SPATA6L: variants seen among roughly 807,000 people sequenced by gnomAD.
SPATA6L encodes spermatogenesis associated 6-like protein.
In SPATA6L, 68 loss-of-function variants were observed where a neutral mutation model predicts 49.2. The observed-to-expected ratio is 1.38, with a 90% CI of 1.14 to 1.69. The LOEUF (loss-of-function observed/expected upper bound fraction) is 1.69, where lower values mean the gene tolerates loss of function less well. SPATA6L is among the 40% of genes most tolerant of loss of function. The pLI, the probability that SPATA6L is intolerant of heterozygous loss-of-function variation, is 0.00. For missense variants in SPATA6L, 668 were observed against 464.3 expected, an observed-to-expected ratio of 1.44 and a Z score of -4.03; for synonymous variants, 198 against 165.7, an observed-to-expected ratio of 1.19 and a Z score of -1.50.
intron 8 of SPATA6L, among the ~76,000 whole-genome samples, chr9:4,618,621 G>T (rs926494768): frequency 4.6e-5 from 7 of 152,232 alleles, no homozygotes; most frequent in African/African-American, 1.2e-4. Context: ...CAATAAAGTA[G>T]GTATTGGGTC....
chr9:4,604,900 C>G (rs1389900865), intron 10 of SPATA6L, among the ~76,000 whole-genome samples: 2 of 152,314 alleles, frequency 1.3e-5, no homozygotes, highest in African/African-American at 4.8e-5. Flanking sequence ...AAAAGTCATA[C>G]AGCCAAAACC....
intron 3 of SPATA6L, among the ~76,000 whole-genome samples, chr9:4,649,671 T>G (rs1018579690): frequency 6.6e-6 from 1 of 152,218 alleles, no homozygotes; most frequent in East Asian, 1.9e-4. Flanking sequence ...TTAATTAGGA[T>G]GCTTGATAAA....
intron 3 of SPATA6L, among the ~76,000 whole-genome samples, chr9:4,646,033 T>A (rs1441666085): frequency 6.6e-6 from 1 of 152,090 alleles, no homozygotes. Context: ...TCACGGGCCA[T>A]ACAACAATGG....
intron 3 of SPATA6L, among the ~76,000 whole-genome samples, chr9:4,655,830 T>C (rs918468988): frequency 1.3e-5 from 2 of 152,092 alleles, no homozygotes; most frequent in African/African-American, 4.8e-5. Context: ...GGATTACAGA[T>C]GTGAGCCACC....
At position 4,656,513 on chromosome 9, in the gene SPATA6L, C is replaced by T. The variant is rs191258530; in HGVS notation, c.178-424G>A. On this transcript the variant is annotated intron_variant, in intron 2 of 11. Coordinates refer to ENST00000682582, the MANE Select transcript of SPATA6L (RefSeq NM_001353486.2). ...GGAAGGAAGGAAGGAAGGGAGGAGC[C>T]GTAAATTATATTCTTCCAAGTAATT... Among the ~76,000 whole-genome samples the T allele has an allele frequency of 1.1e-3, 158 of 149,360 alleles. 1 individual carries two copies. Among genetic ancestry groups the T allele is most frequent in the Non-Finnish European group, 1.9e-3 (128 of 67,536 alleles).
intron 3 of SPATA6L, among the ~76,000 whole-genome samples, chr9:4,650,826 G>T (rs1044417383): frequency 0.018 from 57 of 3,192 alleles, no homozygotes; most frequent in African/African-American, 0.096. Context: ...AACCCAGCTT[G>T]TGTGTGTGTG....
At chr9:4,602,384 T>A (rs1040038134) in intron 11 of SPATA6L, among the ~76,000 whole-genome samples, 17 of 152,256 alleles carry the variant, frequency 1.1e-4, no homozygotes, top group African/African-American at 3.9e-4. Context: ...CAGAACGTTC[T>A]AAGGTAGAAG....
In SPATA6L at chr9:4,617,962, G is replaced by A. The variant is rs747985318; in HGVS notation, c.956C>T (p.Thr319Ile). The A allele has an allele frequency of 3.1e-6, 5 of 1,613,848 alleles. No individual in the cohort carries two copies. In the Admixed American group the frequency reaches 6.7e-5, roughly 22 times the overall value. Residue 319 changes from threonine to isoleucine, a missense_variant, in exon 9 of 12, where the codon ACC (threonine) becomes ATC (isoleucine). Physicochemically the swap from Thr to Ile is moderately conservative, Grantham distance 89 (BLOSUM62 -1). Coordinates refer to ENST00000682582, the MANE Select transcript of SPATA6L (RefSeq NM_001353486.2). ...KASFATYQHS[T>I]SPGPLDQPLL... ...GGGCTGATCCAAGGGGCCAGGAGAG[G>A]TGGAATGCTGGTAGGTGGCAAATGA... is the stretch of plus-strand genomic sequence containing the variant.
chr9:4,642,409 C>A (rs908732143), intron 3 of SPATA6L, among the ~76,000 whole-genome samples: 2 of 152,182 alleles, frequency 1.3e-5, no homozygotes, highest in African/African-American at 4.8e-5. Context: ...AGTCAGGAGG[C>A]ACCTGCTCAG....
At chr9:4,605,227 C>G (rs1824449845) in intron 10 of SPATA6L, 120 bp downstream of exon 10, 1 of 747,144 alleles carries the variant, frequency 1.3e-6, no homozygotes, top group South Asian at 1.7e-5. Flanking sequence ...TGGTAAGCCT[C>G]ACAATTTTCC....
chr9:4,666,011 G>T (rs1485688425), intron 1 of SPATA6L, among the ~76,000 whole-genome samples: 2 of 150,792 alleles, frequency 1.3e-5, no homozygotes, highest in Non-Finnish European at 3.0e-5. Flanking sequence ...AAAAAAAAAA[G>T]TGGGAACAGG....
At chr9:4,648,197 T>A (rs1007733351) in intron 3 of SPATA6L, among the ~76,000 whole-genome samples, 11 of 151,948 alleles carry the variant, frequency 7.2e-5, no homozygotes, top group African/African-American at 2.7e-4. Flanking sequence ...ACGAAAAAAA[T>A]TTGAATTCAT....
intron 5 of SPATA6L, chr9:4,625,774 A>G (rs1300180756): frequency 2.7e-6 from 1 of 376,098 alleles, no homozygotes; most frequent in African/African-American, 2.1e-5. Context: ...ACTTGCTAGT[A>G]TAATGTATTC....
chr9:4,662,394 A>G lies in SPATA6L; in HGVS notation c.40-358T>C, dbSNP rs34250374. 0.13 allele frequency: 202,675 copies of G among 1,532,596 alleles called. 13,872 individuals carry two copies. The highest frequency in any genetic ancestry group is 0.18 in the South Asian group (15,388 of 83,232). The allele number at this position is 1,532,596 out of a possible 1,614,324, so 94.9% of individuals were successfully genotyped here. A position where few individuals can be genotyped will look rare whatever the true frequency, so the allele number is the denominator to read the frequency against. On this transcript the variant is annotated intron_variant, in intron 1 of 11. Transcript: ENST00000682582. This position sits in a 1 kb window ranked among gnomAD's most constrained non-coding sequence, Gnocchi z 4.9. ...AGCTGCGATGCCAAGTCCCCGGAGG[A>G]GCATGGAGGGACGGCCGCTGGGCGT... is the stretch of plus-strand genomic sequence containing the variant.
intron 2 of SPATA6L, among the ~76,000 whole-genome samples, chr9:4,660,355 T>A (rs1839326724): frequency 6.6e-6 from 1 of 151,952 alleles, no homozygotes; most frequent in Non-Finnish European, 1.5e-5. Context: ...AAAAACCCCA[T>A]CAAAAAGTGG....
intron 9 of SPATA6L, among the ~76,000 whole-genome samples, chr9:4,609,446 C>A (rs1826121329): frequency 6.6e-6 from 1 of 152,208 alleles, no homozygotes; most frequent in Admixed American, 6.5e-5. Context: ...GCTTAACCAC[C>A]ATGATCAAGT....
At chr9:4,624,908 C>T (rs1014690685) in intron 6 of SPATA6L, among the ~76,000 whole-genome samples, 2 of 152,126 alleles carry the variant, frequency 1.3e-5, no homozygotes, top group South Asian at 2.1e-4. Flanking sequence ...CACTAAGCAC[C>T]AATCTCATTA....
rs143802782 is a variant in SPATA6L at position 4,662,641 on chromosome 9, A to C, written c.40-605T>G. The C allele has an allele frequency of 3.8e-6, 6 of 1,599,020 alleles. No individual in the cohort carries two copies. Among genetic ancestry groups the C allele is most frequent in the Middle Eastern group, 3.4e-4 (2 of 5,860 alleles). ...TCGCCCGCGCCTCCGCTGCCCGAGG[A>C]GGACCGCATGGACTTGAACCCGTCC... On this transcript the variant is annotated intron_variant, in intron 1 of 11. Coordinates refer to ENST00000682582, the MANE Select transcript of SPATA6L (RefSeq NM_001353486.2). The surrounding 1 kb of genome is among the most constrained non-coding windows in gnomAD (Gnocchi z 4.9).
intron 4 of SPATA6L, among the ~76,000 whole-genome samples, chr9:4,630,964 T>G: frequency 6.6e-6 from 1 of 152,188 alleles, no homozygotes; most frequent in East Asian, 1.9e-4. Flanking sequence ...ACAATCTGAT[T>G]CCACACTTAA....
Sources: gnomAD v4.1 joint callset for allele counts (sites outside exome capture counted in the v4.1 genomes callset) on GRCh38, gnomAD v4.1.1 for gene constraint, Gnocchi (gnomAD v3.1) non-coding constraint, MANE v1.5 for transcripts, NCBI Gene and HGNC (gene_info 2026-07-23, HGNC 2026-07-21) for gene names.